Variants in TCERG1L observed in about 807,000 individuals in gnomAD.
The protein encoded by TCERG1L is transcription elongation regulator 1-like protein.
TCERG1L carries 37 observed loss-of-function variants against 56.3 expected under a neutral mutation model. That is an observed-to-expected ratio of 0.66 (90% CI 0.51 to 0.87). The LOEUF is 0.87. TCERG1L is among the 40% of genes least tolerant of loss of function. TCERG1L has a pLI of 0.00. For missense variants in TCERG1L, 799 were observed against 774.2 expected (o/e 1.03, Z -0.38); for synonymous variants, 324 against 326.3 (o/e 0.99, Z 0.08).
At chr10:131,205,371 A>G (rs1431135296) in intron 4 of TCERG1L, among the ~76,000 whole-genome samples, 8 of 152,060 alleles carry the variant, frequency 5.3e-5, no homozygotes, top group Non-Finnish European at 1.2e-4. Flanking sequence ...ATGTAAAAAA[A>G]AAAAAAAACA....
At chr10:131,149,375 C>T (rs1845839207) in intron 6 of TCERG1L, among the ~76,000 whole-genome samples, 1 of 148,536 alleles carries the variant, frequency 6.7e-6, no homozygotes, top group Admixed American at 6.8e-5. Flanking sequence ...CCCCAGCAAG[C>T]CCAGGCCAGG....
intron 3 of TCERG1L, among the ~76,000 whole-genome samples, chr10:131,303,470 GTTGT>G (rs761019749): frequency 4.5e-4 from 69 of 152,146 alleles, no homozygotes; most frequent in Admixed American, 1.0e-3. Context: ...TTGTAATGGG[GTTGT>G]TTGTTTATTT....
At chr10:131,272,140 C>T (rs756309893) in intron 3 of TCERG1L, among the ~76,000 whole-genome samples, 19 of 152,168 alleles carry the variant, frequency 1.2e-4, no homozygotes, top group Non-Finnish European at 2.5e-4. Context: ...CAGCACAGGT[C>T]CTTCCCTCCG....
At chr10:131,169,488 A>C (rs978079043) in intron 4 of TCERG1L, among the ~76,000 whole-genome samples, 1 of 152,204 alleles carries the variant, frequency 6.6e-6, no homozygotes, top group African/African-American at 2.4e-5. Context: ...TCAATGACCC[A>C]GCACTCCACA....
At chr10:131,221,017 G>GC (rs1391429246) in intron 4 of TCERG1L, among the ~76,000 whole-genome samples, 11 of 152,298 alleles carry the variant, frequency 7.2e-5, no homozygotes, top group Middle Eastern at 3.4e-3. Context: ...AGCCACTGAG[G>GC]CCCCCCCAAG....
intron 4 of TCERG1L, among the ~76,000 whole-genome samples, chr10:131,208,913 C>T (rs1434769539): frequency 6.6e-6 from 1 of 152,090 alleles, no homozygotes; most frequent in African/African-American, 2.4e-5. Context: ...AAAAAATTAG[C>T]CAGGCGTGGT....
chr10:131,094,278 G>C (rs1443904549), intron 11 of TCERG1L, among the ~76,000 whole-genome samples: 1 of 152,208 alleles, frequency 6.6e-6, no homozygotes. Context: ...GCAGGGCCTG[G>C]CCTGGGCAGT....
intron 7 of TCERG1L, among the ~76,000 whole-genome samples, chr10:131,137,891 G>A (rs865955875): frequency 2.0e-5 from 3 of 152,178 alleles, no homozygotes; most frequent in Admixed American, 6.5e-5. Flanking sequence ...CAAGACTGCC[G>A]TCAAGCTGTA....
intron 4 of TCERG1L, among the ~76,000 whole-genome samples, chr10:131,229,622 C>T (rs576384612): frequency 9.2e-5 from 14 of 152,058 alleles, no homozygotes; most frequent in Non-Finnish European, 2.1e-4. Context: ...GTAGATGAAA[C>T]CCCAAAATAG....
At chr10:131,124,111 C>T (rs1457029567) in intron 8 of TCERG1L, among the ~76,000 whole-genome samples, 1 of 152,154 alleles carries the variant, frequency 6.6e-6, no homozygotes, top group East Asian at 1.9e-4. Flanking sequence ...CTTGCTGATG[C>T]TACAAGATGA....
rs1845319636 is a variant in TCERG1L at position 131,103,106 on chromosome 10, A to G, written c.1485+1159T>C. Among the ~76,000 whole-genome samples the G allele has an allele frequency of 6.6e-6, 1 of 151,734 alleles. No individual in the cohort carries two copies. The highest frequency in any genetic ancestry group is 6.6e-5 in the Admixed American group (1 of 15,218). On this transcript the variant is annotated intron_variant, in intron 10 of 11. Transcript: ENST00000368642. This position sits in a 1 kb window ranked among gnomAD's most constrained non-coding sequence, Gnocchi z 4.3. The stretch of plus-strand genomic sequence containing the variant: ...TCTGGACCACTCCTATTTCATCACT[A>G]TTATTGTCAACCTGAAGAACAAGCA...
intron 1 of TCERG1L, 72 bp from the exon 2 acceptor site, chr10:131,309,371 T>C: frequency 6.6e-7 from 1 of 1,524,806 alleles, no homozygotes; most frequent in Non-Finnish European, 8.8e-7. Flanking sequence ...CAAAACATGC[T>C]GGAATAACTG....
intron 3 of TCERG1L, among the ~76,000 whole-genome samples, chr10:131,288,756 C>T (rs1399087949): frequency 6.6e-6 from 1 of 152,086 alleles, no homozygotes; most frequent in Non-Finnish European, 1.5e-5. Flanking sequence ...AAGGCGGCCC[C>T]GTGACCACGG....
chr10:131,188,063 C>T (rs553419005), intron 4 of TCERG1L, among the ~76,000 whole-genome samples: 2 of 152,338 alleles, frequency 1.3e-5, no homozygotes, highest in Admixed American at 1.3e-4. Flanking sequence ...CAAGTGACAG[C>T]CGGGCAGGGC....
chr10:131,250,701 T>C (rs984026089), intron 4 of TCERG1L, among the ~76,000 whole-genome samples: 5 of 152,158 alleles, frequency 3.3e-5, no homozygotes, highest in Non-Finnish European at 7.3e-5. Flanking sequence ...TTAGCCTCTC[T>C]TCCTCCTAGC....
chr10:131,259,287 CACAGTCTAGTGAT>C (rs1344455594), intron 4 of TCERG1L, among the ~76,000 whole-genome samples: 1 of 152,182 alleles, frequency 6.6e-6, no homozygotes, highest in Non-Finnish European at 1.5e-5. Context: ...GTGTGTCTAT[CACAGTCTAGTGAT>C]ACATTTCCTG....
Position 131,093,181 on chromosome 10 carries a change from CT to C in TCERG1L, c.1741del (p.Arg581GlyfsTer5), listed in dbSNP as rs749460398. 17 of 1,613,780 alleles carry C rather than the reference CT, an allele frequency of 1.1e-5. No homozygotes were observed. The South Asian group carries it at 1.9e-4, about 18-fold the overall frequency. On this transcript the variant is annotated frameshift_variant, in exon 12 of 12. Coordinates refer to ENST00000368642, the MANE Select transcript of TCERG1L (RefSeq NM_174937.4). LOFTEE classifies it high-confidence loss of function. ...ACAAACTCATCTCATTTTCCGCAGCCTTAGTCTGTTTTCCTTGTCCCGTTTC... is the reference window on the plus strand; with the variant it reads ...ACAAACTCATCTCATTTTCCGCAGCCTAGTCTGTTTTCCTTGTCCCGTTTC... The part of the protein sequence containing the change: ...LKKRDKENRL[R>X]LRKMR
intron 4 of TCERG1L, among the ~76,000 whole-genome samples, chr10:131,205,762 C>T (rs1845516428): frequency 6.6e-6 from 1 of 152,224 alleles, no homozygotes. Context: ...GCACGGCGGA[C>T]CTCATCCTTC....
intron 6 of TCERG1L, chr10:131,160,748 A>C (rs1235152210): frequency 6.6e-6 from 1 of 152,298 alleles, no homozygotes; most frequent in Non-Finnish European, 1.5e-5. Context: ...TTCATCGGCA[A>C]AGACCCACGC....
Sources: gnomAD v4.1 joint callset for allele counts (sites outside exome capture counted in the v4.1 genomes callset) on GRCh38, gnomAD v4.1.1 for gene constraint, Gnocchi (gnomAD v3.1) non-coding constraint, MANE v1.5 for transcripts, NCBI Gene and HGNC (gene_info 2026-07-23, HGNC 2026-07-21) for gene names.